Variants in FRMPD4 observed in about 807,000 individuals in gnomAD.
FRMPD4 encodes FERM and PDZ domain containing 4, also known as FERM and PDZ domain-containing protein 4.
FRMPD4 carries 22 observed loss-of-function variants against 94.1 expected under a neutral mutation model. The observed-to-expected ratio is 0.23, with a 90% confidence interval of 0.17 to 0.33. The LOEUF (loss-of-function observed/expected upper bound fraction) is 0.33. Ranked by LOEUF, FRMPD4 falls within the 10% of genes least tolerant of loss-of-function variation. The pLI is 1.00. For synonymous variants in FRMPD4, 631 were observed against 548.6 expected (o/e 1.15, Z -2.10); for missense variants, 1,111 against 1,339.9 (o/e 0.83, Z 2.67).
intron 1 of FRMPD4, among the ~76,000 whole-genome samples, chrX:12,324,382 C>A (rs1177666759): frequency 8.9e-6 from 1 of 112,255 alleles, no homozygotes; most frequent in Non-Finnish European, 1.9e-5. Context: ...ATAGTTAGTT[C>A]TTTACCTAAT....
intron 3 of FRMPD4, among the ~76,000 whole-genome samples, chrX:11,908,839 A>G (rs2053981917): frequency 9.0e-6 from 1 of 111,511 alleles, no homozygotes; most frequent in South Asian, 3.7e-4. Context: ...ATATTTTCTG[A>G]CCATATTACT....
At chrX:12,554,435 C>T (rs1317344683) in intron 2 of FRMPD4, among the ~76,000 whole-genome samples, 1 of 111,677 alleles carries the variant, frequency 9.0e-6, no homozygotes, top group African/African-American at 3.3e-5. Flanking sequence ...AAACTGTAGC[C>T]ATGACCTATT....
chrX:12,116,239 C>T (rs1265204098), intron 3 of FRMPD4, among the ~76,000 whole-genome samples: 6 of 112,399 alleles, frequency 5.3e-5, no homozygotes, highest in South Asian at 3.7e-4. Flanking sequence ...ATACCACATC[C>T]CAAACATGCC....
At chrX:11,951,977 A>T (rs2054226844) in intron 3 of FRMPD4, among the ~76,000 whole-genome samples, 1 of 112,346 alleles carries the variant, frequency 8.9e-6, no homozygotes, top group Admixed American at 9.4e-5. Flanking sequence ...TCAAGGCTGC[A>T]GTGAGTCATA....
At chrX:11,962,837 A>G (rs1175979367) in intron 3 of FRMPD4, among the ~76,000 whole-genome samples, 1 of 111,817 alleles carries the variant, frequency 8.9e-6, no homozygotes, top group African/African-American at 3.3e-5. Context: ...TAGCTAAATA[A>G]CAATAACTTA....
At position 12,722,176 on chromosome X, in the gene FRMPD4, CTA is replaced by C. The variant is rs2042252255; in HGVS notation, c.*320_*321del. 1 of 110,882 alleles carries C rather than the reference CTA, an allele frequency of 9.0e-6. No individual in the cohort carries two copies. Among genetic ancestry groups the C allele is most frequent in the Non-Finnish European group, 1.9e-5 (1 of 52,934 alleles). 9.1% of individuals were successfully genotyped at this position (110,882 alleles called of 1,213,427 possible). On this transcript the variant is annotated 3_prime_UTR_variant, in exon 17 of 17. Transcript: ENST00000675598. ...CCATGTTAGAGCAAAACAATGAATCCTATCCCCTTTCTTTCCAAGTAGCTACT... is the reference window on the plus strand; with the variant it reads ...CCATGTTAGAGCAAAACAATGAATCCTCCCCTTTCTTTCCAAGTAGCTACT...
intron 1 of FRMPD4, among the ~76,000 whole-genome samples, chrX:12,473,816 A>C (rs1297570617): frequency 9.1e-6 from 1 of 110,269 alleles, no homozygotes; most frequent in African/African-American, 3.4e-5. Context: ...TTCATAAAGC[A>C]AGTCCTTAGA....
intron 3 of FRMPD4, among the ~76,000 whole-genome samples, chrX:11,881,670 T>A (rs1192704287): frequency 9.0e-6 from 1 of 111,671 alleles, no homozygotes; most frequent in African/African-American, 3.3e-5. Context: ...GCACCCTGGG[T>A]GGTGGAAATA....
intron 2 of FRMPD4, among the ~76,000 whole-genome samples, chrX:12,505,253 T>TGA (rs1442818366): frequency 9.0e-6 from 1 of 111,698 alleles, no homozygotes; most frequent in Non-Finnish European, 1.9e-5. Flanking sequence ...AGCCAACCCT[T>TGA]GCAGAGAGCA....
At chrX:11,861,155 T>G (rs968771346) in intron 1 of FRMPD4, among the ~76,000 whole-genome samples, 2 of 111,827 alleles carry the variant, frequency 1.8e-5, no homozygotes, top group Non-Finnish European at 3.8e-5. Context: ...AATATGAAAT[T>G]GACACTGAGG....
At chrX:12,168,593 A>G (rs1456557263) in intron 1 of FRMPD4, among the ~76,000 whole-genome samples, 5 of 96,308 alleles carry the variant, frequency 5.2e-5, no homozygotes, top group Non-Finnish European at 1.1e-4. Context: ...CCCTTTTGAG[A>G]TTTTTAGAGG....
At chrX:12,401,752 G>A (rs1369582687) in intron 1 of FRMPD4, among the ~76,000 whole-genome samples, 2 of 111,863 alleles carry the variant, frequency 1.8e-5, no homozygotes, top group African/African-American at 6.5e-5. Context: ...TAATAAATCT[G>A]AGGGCTAATG....
At chrX:12,710,133 T>C (rs1045346467) in intron 13 of FRMPD4, among the ~76,000 whole-genome samples, 1 of 82,985 alleles carries the variant, frequency 1.2e-5, no homozygotes, top group Non-Finnish European at 2.3e-5. Flanking sequence ...GTCTCAAATA[T>C]AGATAGACAG....
At chrX:12,251,160 G>T (rs1008969196) in intron 1 of FRMPD4, among the ~76,000 whole-genome samples, 1 of 112,224 alleles carries the variant, frequency 8.9e-6, no homozygotes, top group African/African-American at 3.2e-5. Context: ...TGATCAAAGA[G>T]CAAGGAGCAG....
At chrX:12,503,290 C>G (rs1602037793) in intron 2 of FRMPD4, among the ~76,000 whole-genome samples, 2 of 111,651 alleles carry the variant, frequency 1.8e-5, no homozygotes, top group East Asian at 2.8e-4. Context: ...GAGGCTTTTT[C>G]TTGTTGGCCT....
chrX:12,133,993 TACTCTTCAGTC>T (rs751647511), upstream of FRMPD4, among the ~76,000 whole-genome samples: 1 of 112,105 alleles, frequency 8.9e-6, no homozygotes, highest in East Asian at 2.8e-4. Flanking sequence ...TTTAACGCGT[TACTCTTCAGTC>T]ACAGTGGCTG....
intron 4 of FRMPD4, among the ~76,000 whole-genome samples, chrX:12,635,336 G>A (rs779866241): frequency 4.7e-4 from 52 of 111,798 alleles, no homozygotes; most frequent in Non-Finnish European, 6.0e-4. Flanking sequence ...GTTGAGGCCT[G>A]ATGGTATCAG....
Position 12,222,237 on chromosome X carries a change from A to G in FRMPD4, c.41+83225A>G, listed in dbSNP as rs2056876978. On this transcript the variant is annotated intron_variant, in intron 1 of 16. Coordinates refer to ENST00000675598, the MANE Select transcript of FRMPD4 (RefSeq NM_001368397.1). ...AAAATCATGTTCTTAAGATTCATAA[A>G]TTTTGAATGACTGCTTTCTTTTTTC... Among the ~76,000 whole-genome samples, 4 of 111,676 alleles carry G rather than the reference A, an allele frequency of 3.6e-5. No individual in the cohort carries two copies. The Admixed American group carries it at 3.8e-4, about 11-fold the overall frequency.
At chrX:12,063,984 G>T (rs1468524086) in intron 3 of FRMPD4, among the ~76,000 whole-genome samples, 1 of 112,116 alleles carries the variant, frequency 8.9e-6, no homozygotes, top group Non-Finnish European at 1.9e-5. Flanking sequence ...GTATAATGTT[G>T]CACCTCATTC....
Sources: gnomAD v4.1 joint callset for allele counts (sites outside exome capture counted in the v4.1 genomes callset) on GRCh38, gnomAD v4.1.1 for gene constraint, MANE v1.5 for transcripts, NCBI Gene and HGNC (gene_info 2026-07-23, HGNC 2026-07-21) for gene names.